The following P4HA3 variants were observed in gnomAD, a reference collection of about 807,000 sequenced individuals.
P4HA3 encodes prolyl 4-hydroxylase subunit alpha-3.
In P4HA3, 60 loss-of-function variants were observed where a neutral mutation model predicts 66.7. That is an observed-to-expected ratio of 0.90 (90% confidence interval 0.73 to 1.12). The LOEUF is 1.12. Ranked by LOEUF, P4HA3 falls within the 50% of genes most tolerant of loss-of-function variation. P4HA3 has a pLI of 0.00. For synonymous variants in P4HA3, 263 were observed against 274.6 expected (o/e 0.96, Z 0.42); for missense variants, 683 against 685.8 (o/e 1.00, Z 0.05).
At chr11:74,308,969 G>A (rs539915073) in intron 1 of P4HA3, among the ~76,000 whole-genome samples, 2 of 152,286 alleles carry the variant, frequency 1.3e-5, no homozygotes, top group South Asian at 4.1e-4. Flanking sequence ...CAGAGCCAAC[G>A]ATTCAAATAG....
chr11:74,290,395 G>A (rs1295929), intron 4 of P4HA3, among the ~76,000 whole-genome samples: 4,173 of 149,850 alleles, frequency 0.028, 190 homozygotes, highest in African/African-American at 0.097. Flanking sequence ...TTTGTAGGTT[G>A]CCTGTTCACT....
chr11:74,254,309 A>C (rs1859780346), intron 15 of P4HA3: 1 of 152,764 alleles, frequency 6.5e-6, no homozygotes, highest in South Asian at 2.1e-4. Flanking sequence ...TTTAATCATC[A>C]AATTTAACCA....
At chr11:74,295,015 G>T (rs1267969809) in intron 4 of P4HA3, among the ~76,000 whole-genome samples, 1 of 152,122 alleles carries the variant, frequency 6.6e-6, no homozygotes. Context: ...TGTCACTCAC[G>T]CTGGGAGCTG....
rs1860996722 is a variant in P4HA3, at chr11:74,290,876, T to C, written c.718-1746A>G. 3.3e-5 allele frequency among the ~76,000 whole-genome samples: 5 copies of C among 152,122 alleles called. No homozygotes were observed. The South Asian group carries it at 1.0e-3, about 32-fold the overall frequency. On this transcript the variant is annotated intron_variant, in intron 4 of 12. Transcript: ENST00000331597. ...TGTAGTATAGTTTGAAGTCAGGTAG[T>C]GTGATGCCTCCAGCTTTGTTCTTTT...
At chr11:74,273,807 T>C (rs1280720567) in intron 9 of P4HA3, among the ~76,000 whole-genome samples, 200 bp from the exon 10 acceptor site, 1 of 151,816 alleles carries the variant, frequency 6.6e-6, no homozygotes, top group African/African-American at 2.4e-5. Context: ...ATTTATTAGA[T>C]ACTTATATAA....
At position 74,279,380 on chromosome 11, in the gene P4HA3, C is replaced by T; in HGVS notation, c.1175+8G>A. 1 of 1,613,546 alleles carries T rather than the reference C, an allele frequency of 6.2e-7. No homozygotes were observed. The highest frequency in any genetic ancestry group is 1.3e-5 in the African/African-American group (1 of 75,022). On this transcript the variant is annotated splice_region_variant and intron_variant, in intron 8 of 12. Transcript: ENST00000331597. The stretch of plus-strand genomic sequence containing the variant: ...CAGCAGGTATGACCAAGGAAGGGCC[C>T]TTCTTACCTTTTGCTGATGCGGTAC...
rs1299318654 is a variant in P4HA3, at chr11:74,285,968, G to T, written c.951C>A (p.Ile317=). The part of the protein sequence containing the change: ...TLGSQPTLYQ[I]PSLYCSYETN... ...TCTCATAGGAACAGTAGAGGCTAGG[G>T]ATCTGGTAGAGAGTGGGCTGGAAGG... The change falls in exon 7 of 13, where the codon ATC becomes ATA. Residue 317 remains isoleucine, a synonymous_variant. Coordinates refer to ENST00000331597, the MANE Select transcript of P4HA3 (RefSeq NM_182904.5). The T allele has an allele frequency of 5.6e-6, 9 of 1,608,768 alleles. No homozygotes were observed. The Admixed American group carries it at 1.5e-4, about 27-fold the overall frequency.
intron 12 of P4HA3, 89 bp downstream of exon 12, chr11:74,268,056 G>T: frequency 1.8e-6 from 2 of 1,118,978 alleles, no homozygotes; most frequent in South Asian, 1.4e-5. Context: ...GTTTGGAATG[G>T]GATGGCTGTG....
intron 1 of P4HA3, among the ~76,000 whole-genome samples, chr11:74,305,748 CT>C (rs963722190): frequency 6.6e-6 from 1 of 152,078 alleles, no homozygotes; most frequent in African/African-American, 2.4e-5. Flanking sequence ...AAGAAAATAA[CT>C]TTTTTTCTCA....
At chr11:74,287,907 C>T (rs1235615224) in intron 5 of P4HA3, among the ~76,000 whole-genome samples, 1 of 152,014 alleles carries the variant, frequency 6.6e-6, no homozygotes, top group Admixed American at 6.6e-5. Context: ...ATCCCAGCTA[C>T]TTGGGAGCTG....
intron 4 of P4HA3, among the ~76,000 whole-genome samples, chr11:74,293,654 C>T (rs1199819889): frequency 2.0e-5 from 3 of 152,156 alleles, no homozygotes; most frequent in African/African-American, 4.8e-5. Context: ...GGTGACAAAA[C>T]CTCCCAGCAT....
intron 15 of P4HA3, among the ~76,000 whole-genome samples, chr11:74,257,893 G>C (rs1439512284): frequency 6.6e-6 from 1 of 152,132 alleles, no homozygotes; most frequent in East Asian, 1.9e-4. Context: ...ACAAGAAAGA[G>C]ACTAGTTAGA....
chr11:74,277,031 T>A lies in P4HA3; in HGVS notation c.1289A>T (p.Asn430Ile), dbSNP rs1291905952. ...PPYAEYLQVV[N>I]YGIGGHYEPH... The stretch of plus-strand genomic sequence containing the variant: ...CTCATAGTGTCCTCCGATGCCATAG[T>A]TCACCACCTGCAGATACTCTGCATA... Residue 430 changes from asparagine to isoleucine, a missense_variant, in exon 9 of 13, where the codon AAC becomes ATC. Transcript: ENST00000331597. 3 of 1,613,932 alleles carry A rather than the reference T, an allele frequency of 1.9e-6. No homozygotes were observed. Among genetic ancestry groups the A allele is most frequent in the African/African-American group, 2.7e-5 (2 of 74,886 alleles).
intron 12 of P4HA3, 91 bp downstream of exon 12, chr11:74,268,054 T>G (rs1178080001): frequency 9.1e-7 from 1 of 1,095,908 alleles, no homozygotes. Flanking sequence ...GCGTTTGGAA[T>G]GGGATGGCTG....
intron 4 of P4HA3, among the ~76,000 whole-genome samples, chr11:74,289,995 T>C (rs1006975176): frequency 1.8e-4 from 27 of 152,278 alleles, no homozygotes; most frequent in African/African-American, 5.8e-4. Flanking sequence ...TATTTCTAGT[T>C]CTAGATCCTT....
chr11:74,261,255 G>A (rs1859901967), intron 14 of P4HA3, among the ~76,000 whole-genome samples: 1 of 152,188 alleles, frequency 6.6e-6, no homozygotes. Context: ...CTGGGTCTGG[G>A]GCTTTTTATG....
At chr11:74,308,553 T>C (rs1861639117) in intron 1 of P4HA3, among the ~76,000 whole-genome samples, 1 of 152,006 alleles carries the variant, frequency 6.6e-6, no homozygotes, top group Non-Finnish European at 1.5e-5. Flanking sequence ...AAAGCAAACA[T>C]TTCACTGGGT....
At position 74,251,110 on chromosome 11, in the gene P4HA3, G is replaced by T. The variant is rs1859647346; in HGVS notation, c.*1319-3109C>A. 2.0e-6 allele frequency: 3 copies of T among 1,533,008 alleles called. No homozygotes were observed. In the East Asian group the frequency reaches 7.4e-5, roughly 38 times the overall value. The allele number at this position is 1,533,008 out of a possible 1,614,324, so 95.0% of individuals were successfully genotyped here. A position where few individuals can be genotyped will look rare whatever the true frequency, so the allele number is the denominator to read the frequency against. On this transcript the variant is annotated intron_variant and NMD_transcript_variant, in intron 15 of 15. Coordinates refer to the P4HA3 transcript ENST00000524388. ...AAGTCTCTGAGTCTCAGCCTGCATT[G>T]CCTGCAGCAGCTGCTGTGGAGCCTA...
At chr11:74,309,142 C>T (rs1484816058) in intron 1 of P4HA3, among the ~76,000 whole-genome samples, 1 of 152,242 alleles carries the variant, frequency 6.6e-6, no homozygotes, top group Non-Finnish European at 1.5e-5. Context: ...ACAATCAAAA[C>T]AACTGTGTCC....
Sources: gnomAD v4.1 joint callset for allele counts (sites outside exome capture counted in the v4.1 genomes callset) on GRCh38, gnomAD v4.1.1 for gene constraint, MANE v1.5 for transcripts, NCBI Gene and HGNC (gene_info 2026-07-23, HGNC 2026-07-21) for gene names.